The following RNF13 variants were observed in gnomAD, a reference collection of about 807,000 sequenced individuals.
RNF13 encodes the protein E3 ubiquitin-protein ligase RNF13.
Under a neutral mutation model 37.7 loss-of-function variants are expected in RNF13, and 19 were observed. The observed-to-expected ratio is 0.50, with a 90% CI of 0.35 to 0.74. RNF13 has a LOEUF of 0.74. RNF13 is among the 30% of genes least tolerant of loss of function. The pLI is 0.01. For missense variants in RNF13, 375 were observed against 453.0 expected (o/e 0.83, Z 1.56); for synonymous variants, 144 against 157.8 (o/e 0.91, Z 0.65).
At chr3:149,845,802 T>TA (rs1317874677) in intron 1 of RNF13, 20 of 420,740 alleles carry the variant, frequency 4.8e-5, no homozygotes, top group Middle Eastern at 6.4e-4. Context: ...CATCATGAGT[T>TA]ACATAGGTAT....
At chr3:149,932,356 G>A (rs1034171883) in intron 8 of RNF13, among the ~76,000 whole-genome samples, 2 of 152,072 alleles carry the variant, frequency 1.3e-5, no homozygotes, top group African/African-American at 2.4e-5. Flanking sequence ...CTCTTGCGTA[G>A]TACAATACAA....
At chr3:149,926,320 T>C (rs1324588648) in intron 8 of RNF13, among the ~76,000 whole-genome samples, 1 of 152,160 alleles carries the variant, frequency 6.6e-6, no homozygotes, top group Non-Finnish European at 1.5e-5. Flanking sequence ...CACACTATTC[T>C]CTTGCCTCAT....
At chr3:149,874,349 T>A (rs1712444044) in intron 4 of RNF13, among the ~76,000 whole-genome samples, 1 of 152,174 alleles carries the variant, frequency 6.6e-6, no homozygotes, top group South Asian at 2.1e-4. Context: ...TTCAATCTCA[T>A]CTTTATTATT....
intron 8 of RNF13, chr3:149,939,707 A>G (rs1453644900): frequency 1.2e-6 from 1 of 806,232 alleles, no homozygotes; most frequent in Non-Finnish European, 2.0e-6. Flanking sequence ...TTCACCTTAA[A>G]GTGATAATCT....
At chr3:149,854,725 CACA>C (rs1358785566) in intron 3 of RNF13, among the ~76,000 whole-genome samples, 11 of 152,154 alleles carry the variant, frequency 7.2e-5, no homozygotes. Flanking sequence ...GGTTTTACCT[CACA>C]ACATTTGGCC....
chr3:149,903,998 T>C (rs1486055270), intron 6 of RNF13, among the ~76,000 whole-genome samples: 1 of 151,996 alleles, frequency 6.6e-6, no homozygotes, highest in Non-Finnish European at 1.5e-5. Flanking sequence ...TACCTACCTA[T>C]ACCTATCATC....
chr3:149,832,115 A>G (rs1226751644), intron 1 of RNF13, among the ~76,000 whole-genome samples: 1 of 152,224 alleles, frequency 6.6e-6, no homozygotes, highest in Admixed American at 6.5e-5. Context: ...ATTTCTTGAA[A>G]AAAACAAATT....
rs543254949 is a variant in RNF13 at position 149,818,295 on chromosome 3, C to T, written c.-17+4942C>T. On this transcript the variant is annotated intron_variant, in intron 1 of 9. Coordinates refer to ENST00000392894, the MANE Select transcript of RNF13 (RefSeq NM_183381.3). ...AAATAAGGTGCATTTTCATAATAGA[C>T]GGTAATTAGATTTTTCTCGTACTAT... Among the ~76,000 whole-genome samples the T allele has an allele frequency of 4.6e-5, 7 of 152,210 alleles. No homozygotes were observed. The East Asian group carries it at 5.8e-4, about 13-fold the overall frequency.
chr3:149,954,600 C>T (rs951826459), intron 8 of RNF13, among the ~76,000 whole-genome samples: 2 of 152,148 alleles, frequency 1.3e-5, no homozygotes, highest in African/African-American at 2.4e-5. Flanking sequence ...CTTTTAAAAA[C>T]AACTTGAATA....
chr3:149,831,773 A>G (rs1381796409), intron 1 of RNF13, among the ~76,000 whole-genome samples: 1 of 152,086 alleles, frequency 6.6e-6, no homozygotes. Flanking sequence ...TAGCAGTATG[A>G]AAATGGACTA....
intron 1 of RNF13, among the ~76,000 whole-genome samples, chr3:149,832,622 A>G (rs1721176755): frequency 1.3e-5 from 2 of 152,196 alleles, no homozygotes; most frequent in Admixed American, 1.3e-4. Flanking sequence ...AAAATCTATG[A>G]AATTAACAAA....
chr3:149,883,853 T>TC (rs1197970925), intron 4 of RNF13, among the ~76,000 whole-genome samples: 1 of 152,094 alleles, frequency 6.6e-6, no homozygotes, highest in Non-Finnish European at 1.5e-5. Flanking sequence ...ATGCTCTCTC[T>TC]CCCCCGACCC....
intron 8 of RNF13, among the ~76,000 whole-genome samples, chr3:149,952,449 A>G (rs760349516): frequency 6.6e-6 from 1 of 152,110 alleles, no homozygotes; most frequent in Non-Finnish European, 1.5e-5. Context: ...TTTCCTTTAT[A>G]TGTAGGAAAA....
In RNF13 at chr3:149,864,039, T is replaced by TA. The variant is rs1724547974; in HGVS notation, c.196-7990_196-7989insA. On this transcript the variant is annotated intron_variant, in intron 3 of 9. Coordinates refer to ENST00000392894, the MANE Select transcript of RNF13 (RefSeq NM_183381.3). ...TTTTTTTTTTTTTTTTTTTTTTTTT[T>TA]TAGAATGATGATGTGGTTGTAGTAT... 2.3e-5 allele frequency among the ~76,000 whole-genome samples: 2 copies of TA among 86,926 alleles called. 1 individual carries two copies. Among genetic ancestry groups the TA allele is most frequent in the South Asian group, 7.0e-4 (2 of 2,850 alleles). The allele number at this position is 86,926 out of a possible 152,430, so 57.0% of individuals were successfully genotyped here.
intron 2 of RNF13, among the ~76,000 whole-genome samples, chr3:149,847,190 TTAGA>T (rs773924610): frequency 5.3e-5 from 8 of 152,228 alleles, no homozygotes; most frequent in African/African-American, 1.4e-4. Flanking sequence ...CATTTTTGAC[TTAGA>T]TATTTTCAGT....
chr3:149,882,088 C>T (rs1369634353), intron 4 of RNF13, among the ~76,000 whole-genome samples: 1 of 151,336 alleles, frequency 6.6e-6, no homozygotes, highest in African/African-American at 2.4e-5. Flanking sequence ...GTGGTAAGCA[C>T]AGAGAGAGGA....
intron 3 of RNF13, among the ~76,000 whole-genome samples, chr3:149,860,239 C>T (rs1212692117): frequency 9.8e-6 from 1 of 101,972 alleles, no homozygotes; most frequent in Non-Finnish European, 1.8e-5. Context: ...GCCTGGGCAA[C>T]AGAGAGAGAC....
chr3:149,841,514 A>G (rs959657726), intron 1 of RNF13, among the ~76,000 whole-genome samples: 1 of 152,254 alleles, frequency 6.6e-6, no homozygotes, highest in Admixed American at 6.5e-5. Context: ...GAATGAAGAT[A>G]TAATGCCAGC....
intron 4 of RNF13, among the ~76,000 whole-genome samples, chr3:149,891,340 C>T (rs1714676792): frequency 6.6e-6 from 1 of 152,174 alleles, no homozygotes; most frequent in African/African-American, 2.4e-5. Context: ...GCATAATCAT[C>T]TCTATTATAA....
Sources: allele counts gnomAD v4.1 joint callset (sites outside exome capture counted in the v4.1 genomes callset), GRCh38; gene constraint gnomAD v4.1.1; transcripts MANE v1.5; gene names NCBI Gene and HGNC (gene_info 2026-07-23, HGNC 2026-07-21).